The following PDGFD variants were observed in gnomAD, a reference collection of about 807,000 sequenced individuals.
PDGFD encodes the protein platelet derived growth factor D.
In PDGFD, 30 loss-of-function variants were observed where a neutral mutation model predicts 44.7. The observed-to-expected ratio is 0.67, with a 90% confidence interval of 0.50 to 0.91. PDGFD has a LOEUF of 0.91. Among genes scored for constraint, PDGFD ranks in the 40% least tolerant of loss-of-function variants. The probability of loss-of-function intolerance (pLI) is 0.00; values close to 1 mark genes in which losing one functional copy is unlikely to be tolerated. For synonymous variants in PDGFD, 173 were observed against 168.4 expected, an observed-to-expected ratio of 1.03 and a Z score of -0.21; for missense variants, 445 against 457.8, an observed-to-expected ratio of 0.97 and a Z score of 0.25.
intron 1 of PDGFD, among the ~76,000 whole-genome samples, chr11:104,153,639 T>C (rs903755968): frequency 6.6e-6 from 1 of 152,126 alleles, no homozygotes; most frequent in African/African-American, 2.4e-5. Context: ...AAAGGATTAA[T>C]ATGATTAAGG....
At position 104,163,998 on chromosome 11, in the gene PDGFD, G is replaced by C; in HGVS notation, c.-71C>G. On this transcript the variant is annotated 5_prime_UTR_variant, in exon 1 of 7. Coordinates refer to ENST00000393158, the MANE Select transcript of PDGFD (RefSeq NM_025208.5). ...GTTCTGCTCCCGGGACCGACGCCGC[G>C]CCGCCCTGCGCTCTCGCCGCCTGCG... 7.0e-7 allele frequency: 1 copy of C among 1,435,900 alleles called. No homozygotes were observed. The highest frequency in any genetic ancestry group is 9.3e-7 in the Non-Finnish European group (1 of 1,078,552). 88.9% of individuals were successfully genotyped at this position (1,435,900 alleles called of 1,614,324 possible).
chr11:104,040,116 A>C lies in PDGFD; in HGVS notation c.125-39861T>G, dbSNP rs536836661. 1.5e-4 allele frequency among the ~76,000 whole-genome samples: 23 copies of C among 152,228 alleles called. No individual in the cohort carries two copies. In the East Asian group the frequency reaches 4.1e-3, roughly 27 times the overall value. On this transcript the variant is annotated intron_variant, in intron 1 of 6. Transcript: ENST00000393158. ...TCTTCCTTCTGCCAAGACCACATTT[A>C]ATCTTTCTGGCATGAGATAAACTTT...
Position 104,162,597 on chromosome 11 carries a change from C to T in PDGFD, c.124+1207G>A, listed in dbSNP as rs572301001. On this transcript the variant is annotated intron_variant, in intron 1 of 6. Coordinates refer to ENST00000393158, the MANE Select transcript of PDGFD (RefSeq NM_025208.5). Reference sequence around the variant, plus strand: ...TGGCTTCCCCTGCTACAAATCTACACCACTTCAGGTGACGAGTACACTGAT... The same window carrying T: ...TGGCTTCCCCTGCTACAAATCTACATCACTTCAGGTGACGAGTACACTGAT... 4.6e-5 allele frequency among the ~76,000 whole-genome samples: 7 copies of T among 152,266 alleles called. No homozygotes were observed. In the South Asian group the frequency reaches 1.0e-3, roughly 23 times the overall value.
intron 1 of PDGFD, among the ~76,000 whole-genome samples, chr11:104,146,209 A>G (rs542119344): frequency 1.5e-4 from 23 of 152,358 alleles, no homozygotes; most frequent in African/African-American, 4.8e-4. Flanking sequence ...TGTGTCACAC[A>G]ACATTTAATT....
At chr11:104,103,482 A>G (rs555754499) in intron 1 of PDGFD, among the ~76,000 whole-genome samples, 2,497 of 136,396 alleles carry the variant, frequency 0.018, 92 homozygotes, top group African/African-American at 0.066. Flanking sequence ...ATATATATAT[A>G]TATATATATA....
rs1859773230 is a variant in PDGFD at position 104,010,776 on chromosome 11, G to GA, written c.125-10522dup. Among the ~76,000 whole-genome samples, 3 of 152,026 alleles carry GA rather than the reference G, an allele frequency of 2.0e-5. No homozygotes were observed. The South Asian group carries it at 6.2e-4, about 32-fold the overall frequency. Reference sequence around the variant, plus strand: ...ATTGCCACTTACATGTAAAGAATGTGAAAAAAATGAAATAATAAAATTCAG... The same window carrying GA: ...ATTGCCACTTACATGTAAAGAATGTGAAAAAAAATGAAATAATAAAATTCAG... On this transcript the variant is annotated intron_variant, in intron 1 of 6. Coordinates refer to ENST00000393158, the MANE Select transcript of PDGFD (RefSeq NM_025208.5).
intron 3 of PDGFD, among the ~76,000 whole-genome samples, chr11:103,961,030 T>C (rs939097422): frequency 2.6e-5 from 4 of 152,212 alleles, no homozygotes; most frequent in African/African-American, 7.2e-5. Flanking sequence ...ATTCAATCCA[T>C]AGCATCTTAT....
chr11:104,006,191 T>A (rs914810366), intron 1 of PDGFD, among the ~76,000 whole-genome samples: 5 of 151,966 alleles, frequency 3.3e-5, no homozygotes, highest in Non-Finnish European at 5.9e-5. Context: ...CACCTAGGAG[T>A]CTGTTAGGAA....
chr11:104,113,276 T>C (rs1317747036), intron 1 of PDGFD, among the ~76,000 whole-genome samples: 13 of 152,088 alleles, frequency 8.5e-5, no homozygotes, highest in Non-Finnish European at 5.9e-5. Context: ...GCACTGAGGA[T>C]GTTGCCATGT....
intron 3 of PDGFD, among the ~76,000 whole-genome samples, chr11:103,955,711 T>C (rs1420944168): frequency 1.3e-5 from 2 of 152,308 alleles, no homozygotes; most frequent in Admixed American, 6.5e-5. Flanking sequence ...AGAATTTGCC[T>C]GTGAAATTTA....
chr11:104,134,325 G>A (rs1425366805), intron 1 of PDGFD, among the ~76,000 whole-genome samples: 1 of 152,020 alleles, frequency 6.6e-6, no homozygotes, highest in Middle Eastern at 3.2e-3. Context: ...AGTGTCTCTA[G>A]AAAAGTACTT....
At position 103,943,442 on chromosome 11, in the gene PDGFD, T is replaced by C; in HGVS notation, c.772+10A>G. On this transcript the variant is annotated intron_variant, in intron 5 of 6. Transcript: ENST00000393158. Reference sequence around the variant, plus strand: ...TGCTTATGAAGAATGTACAAGTGTCTGTCTCTTACCTTTTGACTTCCGGTC... The same window carrying C: ...TGCTTATGAAGAATGTACAAGTGTCCGTCTCTTACCTTTTGACTTCCGGTC... 6.2e-7 allele frequency: 1 copy of C among 1,607,416 alleles called. No homozygotes were observed. Among genetic ancestry groups the C allele is most frequent in the Non-Finnish European group, 8.5e-7 (1 of 1,175,848 alleles).
rs754416360 is a variant in PDGFD, at chr11:104,163,821, G to C, written c.107C>G (p.Ala36Gly). Reference protein sequence around the residue: ...QSASIKALRNANLRRDESNHL... With the variant: ...QSASIKALRNGNLRRDESNHL... The stretch of plus-strand genomic sequence containing the variant: ...TCTCTTACCATCTCGCCTGAGGTTG[G>C]CGTTGCGCAAAGCTTTGATGGATGC... The change falls in exon 1 of 7, where the codon GCC becomes GGC. Residue 36 changes from alanine to glycine, a missense_variant. Transcript: ENST00000393158. 6.4e-7 allele frequency: 1 copy of C among 1,552,118 alleles called. No homozygotes were observed. The highest frequency in any genetic ancestry group is 8.8e-7 in the Non-Finnish European group (1 of 1,137,102).
At chr11:103,990,914 C>T (rs1423480943) in intron 3 of PDGFD, among the ~76,000 whole-genome samples, 4 of 151,806 alleles carry the variant, frequency 2.6e-5, no homozygotes, top group Admixed American at 6.6e-5. Context: ...CTGAGGCGGG[C>T]GGATCAAGAG....
chr11:104,123,723 A>G (rs1040003869), intron 1 of PDGFD, among the ~76,000 whole-genome samples: 3 of 152,078 alleles, frequency 2.0e-5, no homozygotes, highest in African/African-American at 7.2e-5. Context: ...AGATTTTTCA[A>G]ATGTCCTTTG....
intron 3 of PDGFD, among the ~76,000 whole-genome samples, chr11:103,956,566 G>C (rs1858853725): frequency 6.6e-6 from 1 of 150,878 alleles, no homozygotes; most frequent in Non-Finnish European, 1.5e-5. Context: ...TAGTCCTTTG[G>C]GTATATATCC....
intron 1 of PDGFD, among the ~76,000 whole-genome samples, chr11:104,048,133 G>T (rs948658297): frequency 7.2e-5 from 11 of 151,816 alleles, no homozygotes; most frequent in Admixed American, 2.0e-4. Flanking sequence ...ATATTTGACT[G>T]CATTTTATTA....
At chr11:103,968,448 C>A (rs779538896) in intron 3 of PDGFD, among the ~76,000 whole-genome samples, 4 of 152,184 alleles carry the variant, frequency 2.6e-5, no homozygotes, top group Non-Finnish European at 5.9e-5. Flanking sequence ...ATAAAACCTA[C>A]TCATCGTCGT....
chr11:103,993,616 A>G (rs1198479083), intron 3 of PDGFD, among the ~76,000 whole-genome samples: 1 of 152,100 alleles, frequency 6.6e-6, no homozygotes, highest in African/African-American at 2.4e-5. Context: ...AGCCTCTCCA[A>G]GTAAAATTTA....
Sources: allele counts gnomAD v4.1 joint callset (sites outside exome capture counted in the v4.1 genomes callset), GRCh38; gene constraint gnomAD v4.1.1; transcripts MANE v1.5; gene names NCBI Gene and HGNC (gene_info 2026-07-23, HGNC 2026-07-21).